The following JPH2 variants were observed in gnomAD, a reference collection of about 807,000 sequenced individuals.
The protein encoded by JPH2 is junctophilin-2.
A neutral mutation model predicts 55.9 loss-of-function variants in JPH2; 38 were observed. The ratio of observed to expected loss-of-function variants is 0.68; its 90% CI spans 0.52 to 0.89. The LOEUF (loss-of-function observed/expected upper bound fraction) is 0.89, where lower values mean the gene tolerates loss of function less well. Ranked by LOEUF, JPH2 falls within the 40% of genes least tolerant of loss-of-function variation. The pLI, the probability that JPH2 is intolerant of heterozygous loss-of-function variation, is 0.00. For synonymous variants in JPH2, 480 were observed against 472.4 expected, an observed-to-expected ratio of 1.02 and a Z score of -0.21; for missense variants, 964 against 1,037.6, an observed-to-expected ratio of 0.93 and a Z score of 0.97.
At position 44,110,983 on chromosome 20, in the gene JPH2, T is replaced by TCG. The variant is rs1225806967; in HGVS notation, c.*2533_*2534dup. On this transcript the variant is annotated 3_prime_UTR_variant, in exon 6 of 6. Transcript: ENST00000372980. Reference sequence around the variant, plus strand: ...TGAGGGACCTTCTTCTCCAACCCCCTCGCTGGGAACCACCGGCTGTGAGAG... The same window carrying TCG: ...TGAGGGACCTTCTTCTCCAACCCCCTCGCGCTGGGAACCACCGGCTGTGAGAG... 6.6e-6 allele frequency among the ~76,000 whole-genome samples: 1 copy of TCG among 152,136 alleles called. No homozygotes were observed. The highest frequency in any genetic ancestry group is 1.5e-5 in the Non-Finnish European group (1 of 68,022).
At position 44,115,869 on chromosome 20, in the gene JPH2, G is replaced by A. The variant is rs1417487991; in HGVS notation, c.1806C>T (p.Ala602=). 3.8e-6 allele frequency: 6 copies of A among 1,585,596 alleles called. No homozygotes were observed. Among genetic ancestry groups the A allele is most frequent in the South Asian group, 1.1e-5 (1 of 89,838 alleles). ...SESAPSSPAT[A]PLQAPTLRGP... is the part of the protein sequence containing the mutation. ...CTCGGAGCGTGGGGGCCTGCAGCGGGGCGGTGGCCGGGGACGAGGGCGCGG... is the reference window on the plus strand; with the variant it reads ...CTCGGAGCGTGGGGGCCTGCAGCGGAGCGGTGGCCGGGGACGAGGGCGCGG... Residue 602 remains alanine, a synonymous_variant, in exon 4 of 6, where the codon GCC becomes GCT. Transcript: ENST00000372980.
At chr20:44,114,697 T>C in intron 5 of JPH2, 85 bp downstream of exon 5, 2 of 935,324 alleles carry the variant, frequency 2.1e-6, no homozygotes, top group Non-Finnish European at 3.4e-6. Flanking sequence ...AAGTACCGAG[T>C]AGGTCCCTCC....
At chr20:44,138,009 C>CA (rs1569197746) in intron 2 of JPH2, among the ~76,000 whole-genome samples, 11 of 140,776 alleles carry the variant, frequency 7.8e-5, no homozygotes, top group Non-Finnish European at 4.7e-5. Flanking sequence ...TTAAAAAGAC[C>CA]TTTTTTTTTT....
At chr20:44,182,364 G>A (rs919634904) in intron 1 of JPH2, among the ~76,000 whole-genome samples, 4 of 152,212 alleles carry the variant, frequency 2.6e-5, no homozygotes, top group Admixed American at 6.5e-5. Flanking sequence ...AAGAGAATCT[G>A]TGAGGTTTCC....
At chr20:44,170,367 T>C (rs1401422092) in intron 1 of JPH2, among the ~76,000 whole-genome samples, 1 of 152,258 alleles carries the variant, frequency 6.6e-6, no homozygotes. Context: ...CAGCCATCGC[T>C]GATCCTTCTC....
chr20:44,143,270 C>A (rs1236499463), intron 2 of JPH2, among the ~76,000 whole-genome samples: 1 of 152,104 alleles, frequency 6.6e-6, no homozygotes, highest in Non-Finnish European at 1.5e-5. Context: ...TCTGGAATTT[C>A]TCCTGAAAGC....
intron 2 of JPH2, among the ~76,000 whole-genome samples, chr20:44,129,277 G>C (rs1312807823): frequency 6.6e-6 from 1 of 152,152 alleles, no homozygotes; most frequent in Admixed American, 6.5e-5. Context: ...CTTAGCGGCC[G>C]GGCGCGGCGG....
intron 2 of JPH2, among the ~76,000 whole-genome samples, chr20:44,141,039 CAG>C (rs534914678): frequency 2.6e-5 from 4 of 152,110 alleles, no homozygotes; most frequent in Non-Finnish European, 4.4e-5. Flanking sequence ...GACATGAAAA[CAG>C]AGGTGCAGTG....
Position 44,160,344 on chromosome 20 carries a change from G to A in JPH2, c.443C>T (p.Pro148Leu), listed in dbSNP as rs772582964. The change falls in exon 2 of 6, where the codon CCC becomes CTC. Residue 148 changes from proline (P) to leucine (L), a missense_variant. Physicochemically the swap from Pro to Leu is moderately conservative, Grantham distance 98. Transcript: ENST00000372980. This position sits in a 1 kb window ranked among gnomAD's most constrained non-coding sequence, Gnocchi z 4.9. ...GCGCACCACCACGGCCATCCCGTAG[G>A]GCACGCTCTGGCGTACTCCGTAGCC... ...RHGYGVRQSVPYGMAVVVRSP... is the reference protein window; with the variant it reads ...RHGYGVRQSVLYGMAVVVRSP... 5 of 1,589,496 alleles carry A rather than the reference G, an allele frequency of 3.1e-6. No individual in the cohort carries two copies. Among genetic ancestry groups the A allele is most frequent in the East Asian group, 4.6e-5 (2 of 43,530 alleles).
In JPH2 at chr20:44,108,095, TTCAA is replaced by T. The variant is rs1345187864; in HGVS notation, c.*5419_*5422del. ...TTAAGTTCAACCATGTGGGAAATGA[TTCAA>T]TCAATCACCTCTACATAATGAAGTC... On this transcript the variant is annotated 3_prime_UTR_variant, in exon 6 of 6. Coordinates refer to ENST00000372980, the MANE Select transcript of JPH2 (RefSeq NM_020433.5). 6.6e-5 allele frequency among the ~76,000 whole-genome samples: 10 copies of T among 152,170 alleles called. No individual in the cohort carries two copies. The highest frequency in any genetic ancestry group is 2.0e-4 in the Admixed American group (3 of 15,280).
At chr20:44,143,461 C>G (rs976915576) in intron 2 of JPH2, among the ~76,000 whole-genome samples, 1 of 152,344 alleles carries the variant, frequency 6.6e-6, no homozygotes, top group African/African-American at 2.4e-5. Flanking sequence ...TCACCCTCTG[C>G]CGCTTGGGAA....
At chr20:44,122,645 A>G (rs1201424961) in intron 2 of JPH2, among the ~76,000 whole-genome samples, 3 of 152,074 alleles carry the variant, frequency 2.0e-5, no homozygotes, top group African/African-American at 7.2e-5. Context: ...TAAAGTGGAG[A>G]TAGTAATTCT....
Position 44,148,115 on chromosome 20 carries a change from A to C in JPH2, c.1169+11503T>G, listed in dbSNP as rs567791840. Reference sequence around the variant, plus strand: ...GAGGCAGAGGTTGCGGTGAGCCAAGATCACACCACTGCACTCCAGCCTTGG... The same window carrying C: ...GAGGCAGAGGTTGCGGTGAGCCAAGCTCACACCACTGCACTCCAGCCTTGG... On this transcript the variant is annotated intron_variant, in intron 2 of 5. Coordinates refer to ENST00000372980, the MANE Select transcript of JPH2 (RefSeq NM_020433.5). Among the ~76,000 whole-genome samples, 231 of 152,272 alleles carry C rather than the reference A, an allele frequency of 1.5e-3. 1 individual carries two copies. The highest frequency in any genetic ancestry group is 5.4e-3 in the African/African-American group (224 of 41,556).
At chr20:44,182,548 G>T (rs1407921736) in intron 1 of JPH2, among the ~76,000 whole-genome samples, 2 of 152,152 alleles carry the variant, frequency 1.3e-5, no homozygotes, top group Non-Finnish European at 2.9e-5. Context: ...TGCACCCCTC[G>T]CTCACTCTGG....
chr20:44,160,213 AG>A lies in JPH2; in HGVS notation c.573del (p.Ser192ArgfsTer114), dbSNP rs1250586450. The part of the protein sequence containing the change: ...ASPASDGPAL[P>X]SPAIPRGGFA... ...AAGCCGCCACGCGGGATGGCGGGCGAGGGCAGCGCGGGGCCGTCGGAGGCCG... is the reference window on the plus strand; with the variant it reads ...AAGCCGCCACGCGGGATGGCGGGCGAGGCAGCGCGGGGCCGTCGGAGGCCG... On this transcript the variant is annotated frameshift_variant, in exon 2 of 6. Coordinates refer to ENST00000372980, the MANE Select transcript of JPH2 (RefSeq NM_020433.5). LOFTEE classifies it high-confidence loss of function. This position sits in a 1 kb window ranked among gnomAD's most constrained non-coding sequence, Gnocchi z 4.9. 2.1e-6 allele frequency: 3 copies of A among 1,426,756 alleles called. No individual in the cohort carries two copies. The highest frequency in any genetic ancestry group is 2.7e-6 in the Non-Finnish European group (3 of 1,099,478). The allele number at this position is 1,426,756 out of a possible 1,614,324, so 88.4% of individuals were successfully genotyped here.
chr20:44,181,204 A>G (rs2145899561), intron 1 of JPH2, among the ~76,000 whole-genome samples: 1 of 152,262 alleles, frequency 6.6e-6, no homozygotes, highest in Admixed American at 6.5e-5. Context: ...TGGGAATGAC[A>G]GGGCTTTGAA....
rs935709579 is a variant in JPH2, at chr20:44,110,633, G to A, written c.*2885C>T. 6.6e-6 allele frequency among the ~76,000 whole-genome samples: 1 copy of A among 152,112 alleles called. No homozygotes were observed. The highest frequency in any genetic ancestry group is 2.4e-5 in the African/African-American group (1 of 41,412). ...TTTAGTAGAGATGGGGTTTTGCCAT[G>A]TTGGCCAGGCTGGTCTCAAACTCCT... is the stretch of plus-strand genomic sequence containing the variant. On this transcript the variant is annotated 3_prime_UTR_variant, in exon 6 of 6. Coordinates refer to ENST00000372980, the MANE Select transcript of JPH2 (RefSeq NM_020433.5).
intron 1 of JPH2, among the ~76,000 whole-genome samples, chr20:44,168,967 A>G (rs1017219961): frequency 1.3e-5 from 2 of 152,042 alleles, no homozygotes; most frequent in Non-Finnish European, 2.9e-5. Context: ...TGGTTGTTAC[A>G]AAGAGCCTGG....
In JPH2 at chr20:44,109,264, T is replaced by C. The variant is rs2072125956; in HGVS notation, c.*4254A>G. Among the ~76,000 whole-genome samples, 2 of 152,190 alleles carry C rather than the reference T, an allele frequency of 1.3e-5. No individual in the cohort carries two copies. The highest frequency in any genetic ancestry group is 1.3e-4 in the Admixed American group (2 of 15,280). On this transcript the variant is annotated 3_prime_UTR_variant, in exon 6 of 6. Transcript: ENST00000372980. ...CTCATCTGCAAAATGGGTGGACGAA[T>C]ACCTACACCATGGAGATACTGCGAA... is the stretch of plus-strand genomic sequence containing the variant.
Sources: gnomAD v4.1 joint callset for allele counts (sites outside exome capture counted in the v4.1 genomes callset) on GRCh38, gnomAD v4.1.1 for gene constraint, Gnocchi (gnomAD v3.1) non-coding constraint, MANE v1.5 for transcripts, NCBI Gene and HGNC (gene_info 2026-07-23, HGNC 2026-07-21) for gene names.